The following CIB4 variants were observed in gnomAD, a reference collection of about 807,000 sequenced individuals.
CIB4 encodes calcium and integrin binding family member 4, also known as calcium and integrin-binding family member 4.
Under a neutral mutation model 25.8 loss-of-function variants are expected in CIB4, and 25 were observed. The observed-to-expected ratio is 0.97, with a 90% CI of 0.71 to 1.35. The LOEUF (loss-of-function observed/expected upper bound fraction) is 1.35, where lower values mean the gene tolerates loss of function less well. Ranked by LOEUF, CIB4 falls within the 40% of genes most tolerant of loss-of-function variation. The pLI is 0.00. For missense variants in CIB4, 235 were observed against 228.2 expected (o/e 1.03, Z -0.19); for synonymous variants, 75 against 81.4 (o/e 0.92, Z 0.42).
intron 2 of CIB4, among the ~76,000 whole-genome samples, chr2:26,639,603 A>G (rs1043637518): frequency 6.6e-6 from 1 of 152,084 alleles, no homozygotes; most frequent in Non-Finnish European, 1.5e-5. Context: ...TAAAAAAGTG[A>G]GTGAATATTA....
Position 26,581,410 on chromosome 2 carries a change from C to T in CIB4, c.528-17G>A, listed in dbSNP as rs371702900. 9.9e-6 allele frequency: 16 copies of T among 1,613,418 alleles called. No individual in the cohort carries two copies. The highest frequency in any genetic ancestry group is 8.0e-5 in the African/African-American group (6 of 74,890). On this transcript the variant is annotated splice_polypyrimidine_tract_variant and intron_variant, in intron 6 of 6. Coordinates refer to ENST00000288861, the MANE Select transcript of CIB4 (RefSeq NM_001029881.3). Reference sequence around the variant, plus strand: ...CGAAAGGAGCTGAAAGAAAGAATCCCGTGAGCCATGTGAGCCCGCAGGTCC... The same window carrying T: ...CGAAAGGAGCTGAAAGAAAGAATCCTGTGAGCCATGTGAGCCCGCAGGTCC...
intron 3 of CIB4, among the ~76,000 whole-genome samples, chr2:26,616,958 G>A (rs1049467833): frequency 1.3e-5 from 2 of 152,188 alleles, no homozygotes; most frequent in African/African-American, 4.8e-5. Context: ...AAGGTGAGGG[G>A]AGCAGGGACA....
At chr2:26,620,199 G>A (rs1669178610) in intron 3 of CIB4, among the ~76,000 whole-genome samples, 1 of 151,540 alleles carries the variant, frequency 6.6e-6, no homozygotes, top group South Asian at 2.1e-4. Context: ...CTCCGCGACT[G>A]AGGAAGCAGG....
intron 3 of CIB4, among the ~76,000 whole-genome samples, chr2:26,621,311 A>G (rs1367274687): frequency 1.3e-5 from 2 of 151,572 alleles, no homozygotes; most frequent in Non-Finnish European, 2.9e-5. Context: ...AAGGCTTTGG[A>G]CCTCTCAATA....
At chr2:26,624,977 G>A (rs1278041885) in intron 3 of CIB4, among the ~76,000 whole-genome samples, 3 of 152,046 alleles carry the variant, frequency 2.0e-5, no homozygotes, top group South Asian at 2.1e-4. Flanking sequence ...CATTCTCCAC[G>A]ATGTGCTTAT....
intron 3 of CIB4, among the ~76,000 whole-genome samples, chr2:26,620,483 C>T (rs1669184770): frequency 6.6e-6 from 1 of 152,102 alleles, no homozygotes; most frequent in African/African-American, 2.4e-5. Flanking sequence ...GCTTTCTCCA[C>T]GGGGGACGTC....
intron 4 of CIB4, among the ~76,000 whole-genome samples, chr2:26,589,060 C>CTTCT (rs762556634): frequency 0.012 from 448 of 36,370 alleles, 8 homozygotes; most frequent in East Asian, 0.049. Flanking sequence ...CTTCTTCTTC[C>CTTCT]TCTTCCTCTT....
At chr2:26,595,443 A>T (rs1353000351) in intron 3 of CIB4, 126 bp from the exon 4 acceptor site, 1 of 1,071,242 alleles carries the variant, frequency 9.3e-7, no homozygotes, top group Non-Finnish European at 1.3e-6. Flanking sequence ...CACAATGTAA[A>T]TATCGGAGTA....
chr2:26,593,883 G>A (rs963710427), intron 4 of CIB4, among the ~76,000 whole-genome samples: 4 of 152,186 alleles, frequency 2.6e-5, no homozygotes, highest in Non-Finnish European at 4.4e-5. Context: ...AGATATGGGC[G>A]TAGTTTACAC....
chr2:26,587,717 T>C (rs1668484667), intron 4 of CIB4, among the ~76,000 whole-genome samples: 1 of 152,240 alleles, frequency 6.6e-6, no homozygotes, highest in Non-Finnish European at 1.5e-5. Flanking sequence ...AGCTATAACT[T>C]AGTATAGTTA....
In CIB4 at chr2:26,595,185, G is replaced by A. The variant is rs371025862; in HGVS notation, c.319C>T (p.Arg107Cys). The A allele has an allele frequency of 1.9e-4, 300 of 1,609,354 alleles. No individual in the cohort carries two copies. The highest frequency in any genetic ancestry group is 2.7e-4 in the South Asian group (25 of 90,954). The change falls in exon 4 of 7, where the codon CGC (arginine) becomes TGC (cysteine). Residue 107 changes from arginine (R) to cysteine (C), a missense_variant. Physicochemically the swap from Arg to Cys is radical, Grantham distance 180. Transcript: ENST00000288861. ...CCCCCACAGCACCTACCATAGATGC[G>A]AAAGGCATACTCAATCTTCAGGCTT... ...CPSLKIEYAFRIYDFNENGFI... is the reference protein window; with the variant it reads ...CPSLKIEYAFCIYDFNENGFI...
chr2:26,636,694 G>A (rs1012224288), intron 2 of CIB4, among the ~76,000 whole-genome samples: 1 of 151,126 alleles, frequency 6.6e-6, no homozygotes, highest in Admixed American at 6.6e-5. Context: ...CATAAGAGAT[G>A]ATTTTTTTAA....
intron 3 of CIB4, among the ~76,000 whole-genome samples, chr2:26,624,369 G>C (rs951209764): frequency 8.5e-5 from 13 of 152,166 alleles, no homozygotes; most frequent in African/African-American, 3.1e-4. Context: ...CTCATTTTGG[G>C]AAGCAAGGCT....
At chr2:26,615,659 AT>A (rs1254187361) in intron 3 of CIB4, among the ~76,000 whole-genome samples, 2 of 152,210 alleles carry the variant, frequency 1.3e-5, no homozygotes, top group African/African-American at 4.8e-5. Flanking sequence ...CATTTGGAAG[AT>A]GAAGACACTG....
intron 3 of CIB4, among the ~76,000 whole-genome samples, chr2:26,603,660 A>T (rs1351471065): frequency 6.6e-6 from 1 of 152,180 alleles, no homozygotes; most frequent in African/African-American, 2.4e-5. Flanking sequence ...AAAATTATCC[A>T]TCATGCAAAA....
At chr2:26,638,121 A>C (rs1669568128) in intron 2 of CIB4, among the ~76,000 whole-genome samples, 1 of 152,226 alleles carries the variant, frequency 6.6e-6, no homozygotes, top group Non-Finnish European at 1.5e-5. Flanking sequence ...GAGAAGGGGC[A>C]GGACAGAAAG....
chr2:26,588,925 T>C (rs948003510), intron 4 of CIB4, among the ~76,000 whole-genome samples: 4 of 152,092 alleles, frequency 2.6e-5, no homozygotes, highest in Non-Finnish European at 5.9e-5. Flanking sequence ...GTAGGTAAGC[T>C]CCAGGGAGGT....
At chr2:26,640,091 G>A (rs557370904) in intron 2 of CIB4, among the ~76,000 whole-genome samples, 16 of 141,426 alleles carry the variant, frequency 1.1e-4, no homozygotes, top group Admixed American at 2.8e-4. Context: ...CACAGGCACC[G>A]GAGAAAGGGC....
intron 3 of CIB4, chr2:26,623,737 A>AG (rs1005882463): frequency 2.4e-4 from 76 of 321,770 alleles, no homozygotes; most frequent in Non-Finnish European, 4.2e-4. Context: ...GGAAGAGGCC[A>AG]GGGGGGTGAG....
Sources: gnomAD v4.1 joint callset for allele counts (sites outside exome capture counted in the v4.1 genomes callset) on GRCh38, gnomAD v4.1.1 for gene constraint, MANE v1.5 for transcripts, NCBI Gene and HGNC (gene_info 2026-07-23, HGNC 2026-07-21) for gene names.